MTREX: variants seen among roughly 807,000 people sequenced by gnomAD.
MTREX encodes the protein Mtr4 exosome RNA helicase, also known as exosome RNA helicase MTR4.
A neutral mutation model predicts 135.4 loss-of-function variants in MTREX; 76 were observed. The observed-to-expected ratio is 0.56, with a 90% CI of 0.47 to 0.68. The LOEUF is 0.68. Ranked by LOEUF, MTREX falls within the 30% of genes least tolerant of loss-of-function variation. MTREX has a pLI of 0.00. For missense variants in MTREX, 920 were observed against 1,262.1 expected, an observed-to-expected ratio of 0.73 and a Z score of 4.11; for synonymous variants, 404 against 401.6, an observed-to-expected ratio of 1.01 and a Z score of -0.07.
At chr5:55,403,877 A>C (rs542393282) in intron 21 of MTREX, among the ~76,000 whole-genome samples, 2 of 152,328 alleles carry the variant, frequency 1.3e-5, no homozygotes, top group South Asian at 4.1e-4. Flanking sequence ...GTTCACAGCA[A>C]TATAAATAAT....
At chr5:55,344,681 TG>T (rs1472854797) in intron 9 of MTREX, 61 bp downstream of exon 9, 13 of 970,432 alleles carry the variant, frequency 1.3e-5, no homozygotes, top group Non-Finnish European at 2.0e-5. Context: ...AATATCTTGT[TG>T]TTGTTGTTTT....
rs1017386127 is a variant in MTREX, at chr5:55,329,400, C to T, written c.515+589C>T. On this transcript the variant is annotated intron_variant, in intron 5 of 26. Transcript: ENST00000230640. ...ACTTAAATAGGCTGGTCTCAAACTC[C>T]TGGGCTCAAGCAATCGTCCCACCTT... 7 of 152,028 alleles carry T rather than the reference C, an allele frequency of 4.6e-5. No homozygotes were observed. The East Asian group carries it at 1.2e-3, about 25-fold the overall frequency. 9.4% of individuals were successfully genotyped at this position (152,028 alleles called of 1,614,324 possible).
intron 4 of MTREX, 60 bp from the exon 5 acceptor site, chr5:55,328,639 T>A (rs1749420048): frequency 4.2e-6 from 5 of 1,186,436 alleles, no homozygotes; most frequent in Non-Finnish European, 6.3e-6. Context: ...GTTTTGATTT[T>A]AAGTATGCTC....
intron 15 of MTREX, among the ~76,000 whole-genome samples, chr5:55,365,437 G>A (rs531637857): frequency 6.6e-6 from 1 of 152,196 alleles, no homozygotes; most frequent in African/African-American, 2.4e-5. Flanking sequence ...CAGATGAGAA[G>A]TCTCCCCTTT....
At chr5:55,370,507 A>G (rs1286283774) in intron 16 of MTREX, among the ~76,000 whole-genome samples, 1 of 152,198 alleles carries the variant, frequency 6.6e-6, no homozygotes, top group Non-Finnish European at 1.5e-5. Flanking sequence ...GAATACTTGT[A>G]TCTACTTGGA....
At chr5:55,338,262 C>T (rs1225058808) in intron 5 of MTREX, among the ~76,000 whole-genome samples, 3 of 152,094 alleles carry the variant, frequency 2.0e-5, no homozygotes, top group African/African-American at 7.2e-5. Context: ...AGGACGGTGT[C>T]ACTGGATATA....
At chr5:55,368,700 GA>G (rs1750146013) in intron 16 of MTREX, among the ~76,000 whole-genome samples, 1 of 152,060 alleles carries the variant, frequency 6.6e-6, no homozygotes, top group Non-Finnish European at 1.5e-5. Context: ...AGCTCAGCTG[GA>G]CTATAGGCAT....
chr5:55,343,995 CCTTTACA>C, intron 8 of MTREX, among the ~76,000 whole-genome samples: 1 of 151,988 alleles, frequency 6.6e-6, no homozygotes. Context: ...CCTTAATTTT[CCTTTACA>C]CTGATGTTCT....
intron 5 of MTREX, among the ~76,000 whole-genome samples, chr5:55,339,423 A>G (rs1403199936): frequency 6.6e-6 from 1 of 152,176 alleles, no homozygotes; most frequent in Non-Finnish European, 1.5e-5. Flanking sequence ...TGAATCTTAA[A>G]TAAGGAGGAT....
In MTREX at chr5:55,340,017, A is replaced by G; in HGVS notation, c.523A>G (p.Ile175Val). The change falls in exon 6 of 27, where the codon ATT becomes GTT. Residue 175 changes from isoleucine to valine, a missense_variant. Coordinates refer to ENST00000230640, the MANE Select transcript of MTREX (RefSeq NM_015360.5). Reference protein sequence around the residue: ...AGKTVCAEYAIALALREKQRV... With the variant: ...AGKTVCAEYAVALALREKQRV... ...TTGTTTTCACATTTGTAGGTATGCC[A>G]TTGCATTGGCCTTAAGGGAAAAGCA... 6.6e-7 allele frequency: 1 copy of G among 1,524,138 alleles called. No homozygotes were observed. Among genetic ancestry groups the G allele is most frequent in the South Asian group, 1.3e-5 (1 of 75,238 alleles). 94.4% of individuals were successfully genotyped at this position (1,524,138 alleles called of 1,614,324 possible).
chr5:55,318,908 A>T (rs931151579), intron 1 of MTREX, among the ~76,000 whole-genome samples: 1 of 152,184 alleles, frequency 6.6e-6, no homozygotes, highest in Non-Finnish European at 1.5e-5. Flanking sequence ...ACTTAAAAAA[A>T]CTTCTTATTT....
chr5:55,344,703 A>G, intron 9 of MTREX, 83 bp downstream of exon 9: 1 of 762,456 alleles, frequency 1.3e-6, no homozygotes, highest in South Asian at 2.2e-5. Flanking sequence ...TAAATTTTGA[A>G]TTAGAGAAGA....
intron 3 of MTREX, among the ~76,000 whole-genome samples, chr5:55,326,512 C>A (rs1252351013): frequency 6.6e-6 from 1 of 152,168 alleles, no homozygotes; most frequent in East Asian, 1.9e-4. Context: ...CACTTCTTCC[C>A]ACTTTCTCAG....
At position 55,353,170 on chromosome 5, in the gene MTREX, C is replaced by A; in HGVS notation, c.1434C>A (p.Ala478=). 1.9e-6 allele frequency: 3 copies of A among 1,585,220 alleles called. No homozygotes were observed. Among genetic ancestry groups the A allele is most frequent in the South Asian group, 1.2e-5 (1 of 85,576 alleles). Residue 478 remains alanine, a splice_region_variant and synonymous_variant, in exon 14 of 27, where the codon GCC becomes GCA. Coordinates refer to ENST00000230640, the MANE Select transcript of MTREX (RefSeq NM_015360.5). The part of the protein sequence containing the change: ...EILFSEGLIK[A]LFATETFAMG... ...TATAGAATTACTTATTTACTTAGGC[C>A]TTATTTGCCACGGAGACCTTTGCTA...
At position 55,400,222 on chromosome 5, in the gene MTREX, A is replaced by T. The variant is rs369973252; in HGVS notation, c.2293-11A>T. 89 of 1,542,278 alleles carry T rather than the reference A, an allele frequency of 5.8e-5. No individual in the cohort carries two copies. Among genetic ancestry groups the T allele is most frequent in the Non-Finnish European group, 7.4e-5 (84 of 1,142,202 alleles). On this transcript the variant is annotated splice_polypyrimidine_tract_variant and intron_variant, in intron 20 of 26. Coordinates refer to ENST00000230640, the MANE Select transcript of MTREX (RefSeq NM_015360.5). The stretch of plus-strand genomic sequence containing the variant: ...TATAAGATGAAAATGAATTTTACAT[A>T]TTTTTTTCAGGAAGTTCAGAAACGT...
intron 4 of MTREX, 38 bp from the exon 5 acceptor site, chr5:55,328,661 G>A (rs748853129): frequency 2.9e-6 from 4 of 1,366,236 alleles, no homozygotes; most frequent in South Asian, 1.2e-5. Flanking sequence ...GATACAACTA[G>A]ATGTTTTTAT....
intron 20 of MTREX, 69 bp downstream of exon 20, chr5:55,397,595 C>A: frequency 2.2e-6 from 2 of 930,100 alleles, no homozygotes; most frequent in South Asian, 1.9e-5. Context: ...AAAGAGGCAA[C>A]TGAAATGCTT....
intron 16 of MTREX, among the ~76,000 whole-genome samples, chr5:55,370,778 T>A (rs1750183343): frequency 6.6e-6 from 1 of 152,180 alleles, no homozygotes; most frequent in Non-Finnish European, 1.5e-5. Flanking sequence ...CTATTTTCAG[T>A]CATTACTTGC....
At chr5:55,407,179 C>T (rs376682748) in intron 22 of MTREX, among the ~76,000 whole-genome samples, 1 of 152,136 alleles carries the variant, frequency 6.6e-6, no homozygotes, top group South Asian at 2.1e-4. Context: ...GTAATTATAT[C>T]GTTCATCTGT....
Sources: allele counts gnomAD v4.1 joint callset (sites outside exome capture counted in the v4.1 genomes callset), GRCh38; gene constraint gnomAD v4.1.1; transcripts MANE v1.5; gene names NCBI Gene and HGNC (gene_info 2026-07-23, HGNC 2026-07-21).